GRM5: variants seen among roughly 807,000 people sequenced by gnomAD.
GRM5 encodes the protein metabotropic glutamate receptor 5.
Under a neutral mutation model 83.1 loss-of-function variants are expected in GRM5, and 19 were observed. The ratio of observed to expected loss-of-function variants is 0.23; its 90% CI spans 0.16 to 0.34. The LOEUF (loss-of-function observed/expected upper bound fraction) is 0.34, where lower values mean the gene tolerates loss of function less well. Ranked by LOEUF, GRM5 falls within the 10% of genes least tolerant of loss-of-function variation. The pLI is 1.00. For missense variants in GRM5, 1,160 were observed against 1,588.3 expected, an observed-to-expected ratio of 0.73 and a Z score of 4.58; for synonymous variants, 675 against 633.6, an observed-to-expected ratio of 1.07 and a Z score of -0.98.
rs1470335550 is a variant in GRM5 at position 88,508,826 on chromosome 11, C to T, written c.3405G>A (p.Ala1135=). Residue 1135 remains alanine, a synonymous_variant, in exon 10 of 10, where the codon GCG becomes GCA. Coordinates refer to ENST00000305447, the MANE Select transcript of GRM5 (RefSeq NM_001143831.3). The surrounding 1 kb of genome is among the most constrained non-coding windows in gnomAD (Gnocchi z 4.2). ...GGCTCTCCCGGGCCGCGTCCCCAGC[C>T]GCCTGCGCCCCTGCCGCGGGCTGCG... is the stretch of plus-strand genomic sequence containing the variant. The part of the protein sequence containing the change: ...GGAQPAAGAQ[A]AGDAARESPA... 3.9e-6 allele frequency: 6 copies of T among 1,535,036 alleles called. No homozygotes were observed. The highest frequency in any genetic ancestry group is 5.3e-6 in the Non-Finnish European group (6 of 1,141,164).
At chr11:88,755,373 A>G (rs956245364) in intron 3 of GRM5, among the ~76,000 whole-genome samples, 1 of 152,200 alleles carries the variant, frequency 6.6e-6, no homozygotes, top group Non-Finnish European at 1.5e-5. Context: ...ATTTTTTCAT[A>G]TAAAGTTATG....
intron 2 of GRM5, among the ~76,000 whole-genome samples, chr11:88,980,375 GGAGA>G (rs1939483331): frequency 6.6e-6 from 1 of 152,112 alleles, no homozygotes; most frequent in Non-Finnish European, 1.5e-5. Flanking sequence ...ACATTAAGCA[GGAGA>G]GAGAACTATT....
At chr11:88,556,466 G>T (rs887214555) in intron 8 of GRM5, among the ~76,000 whole-genome samples, 1 of 151,866 alleles carries the variant, frequency 6.6e-6, no homozygotes, top group African/African-American at 2.4e-5. Flanking sequence ...GGGATTACAG[G>T]TGCCCACCAT....
In GRM5 at chr11:88,673,216, G is replaced by A. The variant is rs1940235868; in HGVS notation, c.912-19813C>T. ...TAAGTCAGGTGAGAAGTGATGATTT[G>A]AAACAAGGAAGTGATTATAGGATGG... On this transcript the variant is annotated intron_variant, in intron 3 of 9. Coordinates refer to ENST00000305447, the MANE Select transcript of GRM5 (RefSeq NM_001143831.3). Among the ~76,000 whole-genome samples the A allele has an allele frequency of 1.3e-5, 2 of 151,810 alleles. 1 individual carries two copies. The highest frequency in any genetic ancestry group is 1.3e-4 in the Admixed American group (2 of 15,192).
Position 88,971,997 on chromosome 11 carries a change from C to A in GRM5, c.661+75215G>T, listed in dbSNP as rs141451839. ...GAGCTTCCACTAGTCAAGTCTGGGA[C>A]AAATTCAAATAAGTGATAATTGACA... is the stretch of plus-strand genomic sequence containing the variant. On this transcript the variant is annotated intron_variant, in intron 2 of 9. Transcript: ENST00000305447. 6.1e-3 allele frequency among the ~76,000 whole-genome samples: 933 copies of A among 152,164 alleles called. 7 individuals carry two copies. Among genetic ancestry groups the A allele is most frequent in the East Asian group, 0.019 (96 of 5,164 alleles).
At chr11:88,948,121 C>T (rs1938342184) in intron 2 of GRM5, among the ~76,000 whole-genome samples, 1 of 151,934 alleles carries the variant, frequency 6.6e-6, no homozygotes, top group Non-Finnish European at 1.5e-5. Flanking sequence ...CCGATTTTAT[C>T]TGTTTTACAT....
intron 3 of GRM5, among the ~76,000 whole-genome samples, chr11:88,741,889 GA>G (rs1344150495): frequency 1.3e-5 from 2 of 151,744 alleles, no homozygotes; most frequent in African/African-American, 4.8e-5. Flanking sequence ...GAGAAAGGTA[GA>G]CAAGCAGCAA....
At chr11:88,514,461 C>G (rs946047774) in intron 9 of GRM5, among the ~76,000 whole-genome samples, 2 of 152,098 alleles carry the variant, frequency 1.3e-5, no homozygotes, top group African/African-American at 4.8e-5. Context: ...CACCCAGTTT[C>G]TCTATTCCTC....
chr11:88,701,244 G>A (rs1941027821), intron 3 of GRM5, among the ~76,000 whole-genome samples: 2 of 152,138 alleles, frequency 1.3e-5, no homozygotes, highest in African/African-American at 2.4e-5. Context: ...TTTTTACCAT[G>A]ACAGGGAAGA....
At chr11:88,735,486 C>A (rs1057249031) in intron 3 of GRM5, among the ~76,000 whole-genome samples, 7 of 151,916 alleles carry the variant, frequency 4.6e-5, no homozygotes, top group African/African-American at 1.7e-4. Context: ...TAATAACTTC[C>A]CCAGGAGTGA....
intron 7 of GRM5, among the ~76,000 whole-genome samples, chr11:88,569,519 A>G (rs995493481): frequency 4.6e-5 from 7 of 152,226 alleles, no homozygotes; most frequent in African/African-American, 1.7e-4. Context: ...AGCCAATAAC[A>G]TGTACACAGA....
chr11:88,561,461 T>TGAAA (rs951248329), intron 8 of GRM5, among the ~76,000 whole-genome samples: 1 of 152,150 alleles, frequency 6.6e-6, no homozygotes, highest in African/African-American at 2.4e-5. Flanking sequence ...AATTTAGCCA[T>TGAAA]GAAAGGCCCA....
intron 3 of GRM5, among the ~76,000 whole-genome samples, chr11:88,773,739 T>G (rs1054321584): frequency 7.2e-5 from 11 of 152,208 alleles, no homozygotes; most frequent in Admixed American, 6.5e-4. Context: ...TTTTATCAGG[T>G]TTGTCAAAAA....
chr11:88,582,915 A>G (rs11826037), intron 7 of GRM5, among the ~76,000 whole-genome samples: 26,256 of 151,996 alleles, frequency 0.17, 3,196 homozygotes, highest in African/African-American at 0.35. Context: ...CCAGAATCAT[A>G]GCACCTGGGA....
chr11:88,764,138 T>C (rs1591497570), intron 3 of GRM5, among the ~76,000 whole-genome samples: 1 of 151,702 alleles, frequency 6.6e-6, no homozygotes, highest in African/African-American at 2.4e-5. Flanking sequence ...GCATCACATA[T>C]TGAGAAAATA....
chr11:88,913,488 C>T (rs531933478), intron 2 of GRM5, among the ~76,000 whole-genome samples: 2 of 152,064 alleles, frequency 1.3e-5, no homozygotes, highest in African/African-American at 4.8e-5. Flanking sequence ...CTGCATCCCT[C>T]TCTGTGGTAA....
intron 3 of GRM5, among the ~76,000 whole-genome samples, chr11:88,849,499 C>T (rs1167349027): frequency 6.6e-6 from 1 of 151,988 alleles, no homozygotes; most frequent in East Asian, 1.9e-4. Context: ...GAAAGCAATC[C>T]CTCATTTTCA....
intron 4 of GRM5, among the ~76,000 whole-genome samples, chr11:88,629,121 C>T (rs760279678): frequency 6.6e-6 from 1 of 152,158 alleles, no homozygotes; most frequent in Non-Finnish European, 1.5e-5. Context: ...GCTTCAGCAC[C>T]TGAAGGAATT....
Position 88,838,034 on chromosome 11 carries a change from C to T in GRM5, c.911+11872G>A, listed in dbSNP as rs183685081. On this transcript the variant is annotated intron_variant, in intron 3 of 9. Transcript: ENST00000305447. ...CGGGAGGCGGAGCTTGCAGTGAGAC[C>T]AGATCGCGCCACTGCACTCCAGCCT... is the stretch of plus-strand genomic sequence containing the variant. Among the ~76,000 whole-genome samples, 788 of 126,342 alleles carry T rather than the reference C, an allele frequency of 6.2e-3. 5 individuals are homozygous for T. The highest frequency in any genetic ancestry group is 0.022 in the African/African-American group (756 of 34,646). The allele number at this position is 126,342 out of a possible 152,430, so 82.9% of individuals were successfully genotyped here.
Sources: allele counts gnomAD v4.1 joint callset (sites outside exome capture counted in the v4.1 genomes callset), GRCh38; gene constraint gnomAD v4.1.1; non-coding constraint Gnocchi (gnomAD v3.1); transcripts MANE v1.5; gene names NCBI Gene and HGNC (gene_info 2026-07-23, HGNC 2026-07-21).